The following CLYBL variants were observed in gnomAD, a reference collection of about 807,000 sequenced individuals.
CLYBL encodes citramalyl-CoA lyase, mitochondrial.
CLYBL carries 31 observed loss-of-function variants against 38.9 expected under a neutral mutation model. That is an observed-to-expected ratio of 0.80 (90% CI 0.60 to 1.08). The LOEUF is 1.08. Ranked by LOEUF, CLYBL falls within the 50% of genes least tolerant of loss-of-function variation. CLYBL has a pLI of 0.00. For missense variants in CLYBL, 434 were observed against 411.6 expected (o/e 1.05, Z -0.47); for synonymous variants, 171 against 158.6 (o/e 1.08, Z -0.59).
intron 1 of CLYBL, among the ~76,000 whole-genome samples, chr13:99,702,231 C>G (rs959379838): frequency 6.6e-6 from 1 of 152,154 alleles, no homozygotes; most frequent in African/African-American, 2.4e-5. Flanking sequence ...GTTTTGGCCT[C>G]CCAAAATGCT....
intron 1 of CLYBL, among the ~76,000 whole-genome samples, chr13:99,639,340 T>G (rs2047063471): frequency 6.6e-6 from 1 of 152,182 alleles, no homozygotes; most frequent in South Asian, 2.1e-4. Context: ...GTAGATTCCA[T>G]TACTCTTTGG....
At chr13:99,765,169 T>C (rs2049245105) in intron 1 of CLYBL, among the ~76,000 whole-genome samples, 1 of 152,304 alleles carries the variant, frequency 6.6e-6, no homozygotes, top group African/African-American at 2.4e-5. Flanking sequence ...AAAACATATT[T>C]GAAGGATAAC....
At chr13:99,831,607 C>T (rs548371011) in intron 2 of CLYBL, among the ~76,000 whole-genome samples, 1 of 151,960 alleles carries the variant, frequency 6.6e-6, no homozygotes, top group East Asian at 1.9e-4. Context: ...TCTTAAAACA[C>T]ATTAACAATA....
intron 8 of CLYBL, among the ~76,000 whole-genome samples, chr13:99,905,228 G>A (rs553550907): frequency 3.3e-5 from 5 of 152,242 alleles, no homozygotes; most frequent in Non-Finnish European, 7.3e-5. Context: ...CCAGGACCTA[G>A]GATCACAGAT....
intron 7 of CLYBL, among the ~76,000 whole-genome samples, chr13:99,887,031 G>C (rs562216664): frequency 2.0e-5 from 3 of 152,302 alleles, no homozygotes; most frequent in African/African-American, 4.8e-5. Flanking sequence ...CAAGAGAAAG[G>C]CATCATTTAC....
Position 99,801,767 on chromosome 13 carries a change from A to G in CLYBL, c.249+28757A>G, listed in dbSNP as rs561857114. ...TGCAGTGGCTCACACCTGTAATCCC[A>G]GGACTTTGGGAGGCCGAGGCAGGCG... On this transcript the variant is annotated intron_variant, in intron 2 of 8. Coordinates refer to ENST00000339105, the MANE Select transcript of CLYBL (RefSeq NM_206808.5). Among the ~76,000 whole-genome samples, 156 of 152,364 alleles carry G rather than the reference A, an allele frequency of 1.0e-3. 1 individual carries two copies. The highest frequency in any genetic ancestry group is 1.9e-3 in the Non-Finnish European group (132 of 68,040).
At chr13:99,887,546 C>T (rs2052380597) in intron 7 of CLYBL, among the ~76,000 whole-genome samples, 1 of 152,078 alleles carries the variant, frequency 6.6e-6, no homozygotes, top group Non-Finnish European at 1.5e-5. Context: ...ATCACTTGAG[C>T]CTAGGAGACT....
downstream of CLYBL, chr13:99,895,159 G>A (rs1176276628): frequency 6.6e-6 from 1 of 152,156 alleles, no homozygotes; most frequent in Non-Finnish European, 1.5e-5. Context: ...TTTGCACCCG[G>A]TCGTTTTGCG....
At chr13:99,628,536 A>G (rs1216062448) in intron 1 of CLYBL, among the ~76,000 whole-genome samples, 1 of 152,164 alleles carries the variant, frequency 6.6e-6, no homozygotes, top group East Asian at 1.9e-4. Context: ...CCAGGGTGGT[A>G]ATAAAATTGT....
downstream of CLYBL, among the ~76,000 whole-genome samples, chr13:99,901,789 A>G (rs1204691292): frequency 6.6e-6 from 1 of 151,262 alleles, no homozygotes; most frequent in Non-Finnish European, 1.5e-5. Context: ...CCTCCACAGT[A>G]CCTCGGATTA....
At chr13:99,773,150 T>C (rs1313856183) in intron 2 of CLYBL, 140 bp downstream of exon 2, 11 of 709,158 alleles carry the variant, frequency 1.6e-5, no homozygotes, top group Non-Finnish European at 2.4e-5. Context: ...GATCTGCTTT[T>C]ATATAGGTTC....
intron 1 of CLYBL, among the ~76,000 whole-genome samples, chr13:99,683,233 C>A (rs182010559): frequency 6.6e-6 from 1 of 151,290 alleles, no homozygotes; most frequent in African/African-American, 2.4e-5. Flanking sequence ...AGGTGCCCCC[C>A]CCTACACCAG....
chr13:99,740,510 CT>C (rs1379489705), intron 1 of CLYBL, among the ~76,000 whole-genome samples: 1 of 152,244 alleles, frequency 6.6e-6, no homozygotes, highest in African/African-American at 2.4e-5. Context: ...TACGTGGGTT[CT>C]TACTCATTTC....
chr13:99,626,811 C>T (rs1315284237), intron 1 of CLYBL, among the ~76,000 whole-genome samples: 1 of 152,008 alleles, frequency 6.6e-6, no homozygotes, highest in African/African-American at 2.4e-5. Flanking sequence ...TTCCAGTAAT[C>T]TACCCGATTG....
chr13:99,658,123 G>C (rs543773900), intron 1 of CLYBL, among the ~76,000 whole-genome samples: 28 of 152,332 alleles, frequency 1.8e-4, no homozygotes, highest in African/African-American at 6.7e-4. Context: ...ATGCCAGTTC[G>C]ATGTGCGAGC....
At chr13:99,797,727 C>T in intron 2 of CLYBL, among the ~76,000 whole-genome samples, 1 of 152,166 alleles carries the variant, frequency 6.6e-6, no homozygotes, top group East Asian at 1.9e-4. Flanking sequence ...CACGCCTGTG[C>T]AACTTGCAAA....
intron 1 of CLYBL, among the ~76,000 whole-genome samples, chr13:99,750,673 CAAA>C (rs374904118): frequency 4.6e-5 from 4 of 86,090 alleles, no homozygotes; most frequent in Non-Finnish European, 5.0e-5. Flanking sequence ...GACTCTGCCT[CAAA>C]AAAAAAAAAA....
chr13:99,655,323 G>C (rs988390287), intron 1 of CLYBL, among the ~76,000 whole-genome samples: 53 of 152,112 alleles, frequency 3.5e-4, no homozygotes, highest in African/African-American at 1.2e-3. Flanking sequence ...TGATCTGTCT[G>C]CCTCGGCCTC....
intron 1 of CLYBL, among the ~76,000 whole-genome samples, chr13:99,753,805 T>C (rs2049000607): frequency 6.6e-6 from 1 of 151,970 alleles, no homozygotes; most frequent in Non-Finnish European, 1.5e-5. Flanking sequence ...TATTATGACA[T>C]TGGCCGGGCG....
Sources: allele counts gnomAD v4.1 joint callset (sites outside exome capture counted in the v4.1 genomes callset), GRCh38; gene constraint gnomAD v4.1.1; transcripts MANE v1.5; gene names NCBI Gene and HGNC (gene_info 2026-07-23, HGNC 2026-07-21).